The following ZFHX3 variants were observed in gnomAD, a reference collection of about 807,000 sequenced individuals.
ZFHX3 encodes the protein zinc finger homeobox 3, also known as zinc finger homeobox protein 3.
In ZFHX3, 42 loss-of-function variants were observed where a neutral mutation model predicts 279.1. That is an observed-to-expected ratio of 0.15 (90% CI 0.12 to 0.19). The LOEUF (loss-of-function observed/expected upper bound fraction) is 0.19. Among genes scored for constraint, ZFHX3 ranks in the 10% least tolerant of loss-of-function variants. The probability of loss-of-function intolerance (pLI) is 1.00; values close to 1 mark genes in which losing one functional copy is unlikely to be tolerated. For missense variants in ZFHX3, 4,981 were observed against 4,754.0 expected, an observed-to-expected ratio of 1.05 and a Z score of -1.40; for synonymous variants, 2,293 against 1,957.8, an observed-to-expected ratio of 1.17 and a Z score of -4.52.
chr16:72,958,351 T>C lies in ZFHX3; in HGVS notation c.1795A>G (p.Asn599Asp), dbSNP rs777720039. Residue 599 changes from asparagine (N) to aspartate (D), a missense_variant, in exon 2 of 10, where the codon AAT becomes GAT. By Grantham distance (23) the Asn-to-Asp change is conservative (BLOSUM62 1). Coordinates refer to ENST00000268489, the MANE Select transcript of ZFHX3 (RefSeq NM_006885.4). ...DFADESANKD[N>D]ATAPEPNEST... is the part of the protein sequence containing the mutation. The stretch of plus-strand genomic sequence containing the variant: ...TCATTTGGTTCTGGTGCTGTGGCAT[T>C]GTCTTTATTGGCACTTTCGTCAGCG... The C allele has an allele frequency of 6.2e-7, 1 of 1,614,078 alleles. No homozygotes were observed. The highest frequency in any genetic ancestry group is 1.1e-5 in the South Asian group (1 of 91,082).
chr16:72,947,285 T>C (rs917210946), intron 3 of ZFHX3, among the ~76,000 whole-genome samples: 1 of 152,092 alleles, frequency 6.6e-6, no homozygotes, highest in African/African-American at 2.4e-5. Flanking sequence ...TAAACATTAG[T>C]ATCACACAAA....
In ZFHX3 at chr16:73,766,952, C is replaced by T. The variant is rs778752904; in HGVS notation, c.-1607-86712G>A. 4.9e-3 allele frequency among the ~76,000 whole-genome samples: 281 copies of T among 57,286 alleles called. 3 individuals are homozygous for T. The highest frequency in any genetic ancestry group is 6.3e-3 in the African/African-American group (72 of 11,374). The allele number at this position is 57,286 out of a possible 152,430, so 37.6% of individuals were successfully genotyped here. A position where few individuals can be genotyped will look rare whatever the true frequency, so the allele number is the denominator to read the frequency against. ...CCATTACTTTTTTTTTTTTTTTTTT[C>T]CGAGATGGAGTCTTACTCTGTTGCC... On this transcript the variant is annotated intron_variant, in intron 1 of 17. Transcript: ENST00000641206.
intron 5 of ZFHX3, among the ~76,000 whole-genome samples, chr16:73,241,085 T>A (rs1289355518): frequency 6.6e-6 from 1 of 152,160 alleles, no homozygotes; most frequent in Non-Finnish European, 1.5e-5. Flanking sequence ...ACTAGGCAAT[T>A]GATGAGACCC....
At chr16:73,749,021 C>G (rs1344016086) in intron 1 of ZFHX3, among the ~76,000 whole-genome samples, 1 of 152,036 alleles carries the variant, frequency 6.6e-6, no homozygotes, top group Non-Finnish European at 1.5e-5. Context: ...CTCCTGACCT[C>G]AGGAGATCCG....
chr16:72,920,259 C>T (rs1375104839), intron 3 of ZFHX3, among the ~76,000 whole-genome samples: 3 of 152,134 alleles, frequency 2.0e-5, no homozygotes, highest in Non-Finnish European at 4.4e-5. Context: ...GTCACTGGGC[C>T]TCAGCACAGA....
chr16:72,797,882 A>G lies in ZFHX3; in HGVS notation c.4800T>C (p.Thr1600=), dbSNP rs780350347. Residue 1600 remains threonine, a synonymous_variant, in exon 9 of 10, where the codon ACT becomes ACC. Transcript: ENST00000268489. The stretch of plus-strand genomic sequence containing the variant: ...AACTCTGGCTGTAGGCCACATTACA[A>G]GTGTTACACTTAAAAGGTTTGTTGT... The part of the protein sequence containing the change: ...SPDNKPFKCN[T]CNVAYSQSST... The G allele has an allele frequency of 1.9e-6, 3 of 1,614,164 alleles. No homozygotes were observed. The highest frequency in any genetic ancestry group is 2.5e-6 in the Non-Finnish European group (3 of 1,180,034).
At chr16:73,604,900 C>T (rs1400831940) in intron 2 of ZFHX3, among the ~76,000 whole-genome samples, 1 of 152,108 alleles carries the variant, frequency 6.6e-6, no homozygotes, top group Non-Finnish European at 1.5e-5. Flanking sequence ...CTGGGGTAGA[C>T]TGAGGCAGAA....
chr16:73,162,318 T>G (rs1259265306), intron 5 of ZFHX3, among the ~76,000 whole-genome samples: 1 of 152,158 alleles, frequency 6.6e-6, no homozygotes, highest in East Asian at 1.9e-4. Context: ...GGGATCTAGG[T>G]TGCACACTCT....
At chr16:73,242,670 C>T (rs2013159345) in intron 5 of ZFHX3, among the ~76,000 whole-genome samples, 1 of 152,224 alleles carries the variant, frequency 6.6e-6, no homozygotes, top group Admixed American at 6.5e-5. Flanking sequence ...CAGGGAAATG[C>T]TGCTGGATAT....
In ZFHX3 at chr16:73,198,784, T is replaced by G. The variant is rs548353303; in HGVS notation, c.-1103-54953A>C. Reference sequence around the variant, plus strand: ...AAACAAAAGGGGACTTTCACTCAGATGCAGGAGGGAAGCAAGTTCTCCCAG... The same window carrying G: ...AAACAAAAGGGGACTTTCACTCAGAGGCAGGAGGGAAGCAAGTTCTCCCAG... On this transcript the variant is annotated intron_variant, in intron 5 of 17. Coordinates refer to the ZFHX3 transcript ENST00000641206. Among the ~76,000 whole-genome samples, 57 of 152,334 alleles carry G rather than the reference T, an allele frequency of 3.7e-4. 3 individuals carry two copies. The highest frequency in any genetic ancestry group is 1.6e-3 in the Admixed American group (25 of 15,298).
chr16:73,145,155 C>G (rs1351051921), intron 5 of ZFHX3, among the ~76,000 whole-genome samples: 1 of 152,162 alleles, frequency 6.6e-6, no homozygotes, highest in Non-Finnish European at 1.5e-5. Flanking sequence ...ATCTTAGGTT[C>G]AACTCGGGCT....
chr16:73,206,331 A>G (rs978088019), intron 5 of ZFHX3, among the ~76,000 whole-genome samples: 1 of 152,224 alleles, frequency 6.6e-6, no homozygotes, highest in Non-Finnish European at 1.5e-5. Flanking sequence ...GGTCATCATT[A>G]TGAACCACTA....
intron 1 of ZFHX3, among the ~76,000 whole-genome samples, chr16:73,023,270 A>C (rs1964372965): frequency 6.6e-6 from 1 of 152,230 alleles, no homozygotes. Context: ...TTTGCTGAAC[A>C]AAACACATCT....
Position 72,788,362 on chromosome 16 carries a change from C to T in ZFHX3, c.9914G>A (p.Ser3305Asn), listed in dbSNP as rs2143300781. The T allele has an allele frequency of 6.2e-7, 1 of 1,614,192 alleles. No individual in the cohort carries two copies. The highest frequency in any genetic ancestry group is 8.5e-7 in the Non-Finnish European group (1 of 1,180,032). ...TGGTACAAAGTAAGGAAGGAACTGGCTTGTGAGCAATGCTGTGGGGTCCGA... is the reference window on the plus strand; with the variant it reads ...TGGTACAAAGTAAGGAAGGAACTGGTTTGTGAGCAATGCTGTGGGGTCCGA... ...LTSDPTALLT[S>N]QFLPYFVPGF... Residue 3305 changes from serine to asparagine, a missense_variant, in exon 10 of 10, where the codon AGC becomes AAC. By Grantham distance (46) the Ser-to-Asn change is conservative (BLOSUM62 1). Coordinates refer to ENST00000268489, the MANE Select transcript of ZFHX3 (RefSeq NM_006885.4).
Position 72,957,538 on chromosome 16 carries a change from T to C in ZFHX3, c.2608A>G (p.Met870Val), listed in dbSNP as rs1345574781. The C allele has an allele frequency of 1.9e-6, 3 of 1,614,060 alleles. No homozygotes were observed. Among genetic ancestry groups the C allele is most frequent in the South Asian group, 1.1e-5 (1 of 91,080 alleles). The change falls in exon 2 of 10, where the codon ATG (methionine) becomes GTG (valine). Residue 870 changes from methionine (M) to valine (V), a missense_variant. Physicochemically the swap from Met to Val is conservative, Grantham distance 21 (BLOSUM62 1). Coordinates refer to ENST00000268489, the MANE Select transcript of ZFHX3 (RefSeq NM_006885.4). ...TCCATCTTCAGGTTGGGCAGGTTCA[T>C]GTTCTGGGCCAGGTAGTATTGGTAG... ...ELYQYYLAQN[M>V]NLPNLKMDSA...
In ZFHX3 at chr16:72,936,604, C is replaced by T. The variant is rs75856429; in HGVS notation, c.3216+13865G>A. 9.6e-4 allele frequency among the ~76,000 whole-genome samples: 146 copies of T among 152,214 alleles called. No homozygotes were observed. In the East Asian group the frequency reaches 0.015, roughly 16 times the overall value. On this transcript the variant is annotated intron_variant, in intron 3 of 9. Transcript: ENST00000268489. Reference sequence around the variant, plus strand: ...GCAAGTGCAAAGGCCCTGTGGCAGGCGCCAGCTTAGCATGTTGAATGAACA... The same window carrying T: ...GCAAGTGCAAAGGCCCTGTGGCAGGTGCCAGCTTAGCATGTTGAATGAACA...
chr16:73,351,460 G>T (rs1050524262), intron 3 of ZFHX3, among the ~76,000 whole-genome samples: 1 of 152,210 alleles, frequency 6.6e-6, no homozygotes, highest in African/African-American at 2.4e-5. Context: ...CAGCCTGGGA[G>T]AGGGGACAGC....
Position 72,795,200 on chromosome 16 carries a change from T to C in ZFHX3, c.7482A>G (p.Leu2494=), listed in dbSNP as rs1215183329. Residue 2494 remains leucine, a synonymous_variant, in exon 9 of 10, where the codon TTA becomes TTG. Coordinates refer to ENST00000268489, the MANE Select transcript of ZFHX3 (RefSeq NM_006885.4). ...PPQAPPPQCP[L]PQSSPSPSQL... is the part of the protein sequence containing the mutation. ...GGGAAGGACTGGGGCTCGACTGGGG[T>C]AAGGGGCACTGTGGAGGGGGCGCTT... 3 of 1,603,884 alleles carry C rather than the reference T, an allele frequency of 1.9e-6. No individual in the cohort carries two copies. In the Admixed American group the frequency reaches 5.1e-5, roughly 27 times the overall value.
intron 1 of ZFHX3, among the ~76,000 whole-genome samples, chr16:73,788,139 G>A (rs926299298): frequency 9.9e-5 from 15 of 152,130 alleles, no homozygotes; most frequent in African/African-American, 3.6e-4. Context: ...GGAGAAGGTG[G>A]CACACAGGAG....
Sources: gnomAD v4.1 joint callset for allele counts (sites outside exome capture counted in the v4.1 genomes callset) on GRCh38, gnomAD v4.1.1 for gene constraint, MANE v1.5 for transcripts, NCBI Gene and HGNC (gene_info 2026-07-23, HGNC 2026-07-21) for gene names.